NTNG1: variants seen among roughly 807,000 people sequenced by gnomAD.
NTNG1 encodes netrin G1, also known as netrin-G1.
In NTNG1, 16 loss-of-function variants were observed where a neutral mutation model predicts 54.0. The ratio of observed to expected loss-of-function variants is 0.30; its 90% CI spans 0.20 to 0.45. The LOEUF (loss-of-function observed/expected upper bound fraction) is 0.45, where lower values mean the gene tolerates loss of function less well. Ranked by LOEUF, NTNG1 falls within the 20% of genes least tolerant of loss-of-function variation. NTNG1 has a pLI of 1.00. For synonymous variants in NTNG1, 255 were observed against 263.1 expected (o/e 0.97, Z 0.30); for missense variants, 530 against 678.7 (o/e 0.78, Z 2.43).
rs571428956 is a variant in NTNG1, at chr1:107,293,869, A to G, written c.247-30413A>G. On this transcript the variant is annotated intron_variant, in intron 2 of 7. Coordinates refer to ENST00000370068, the MANE Select transcript of NTNG1 (RefSeq NM_001113226.3). Reference sequence around the variant, plus strand: ...GCAGCATTAAAAGTGGTTATCTTGGAATGGTGCACTTATAAGTGATTTTTT... The same window carrying G: ...GCAGCATTAAAAGTGGTTATCTTGGGATGGTGCACTTATAAGTGATTTTTT... Among the ~76,000 whole-genome samples the G allele has an allele frequency of 8.1e-4, 120 of 148,248 alleles. 2 individuals are homozygous for G. In the South Asian group the frequency reaches 0.026, roughly 32 times the overall value.
chr1:107,211,126 A>C (rs1477795616), intron 2 of NTNG1, among the ~76,000 whole-genome samples: 1 of 152,184 alleles, frequency 6.6e-6, no homozygotes, highest in African/African-American at 2.4e-5. Flanking sequence ...TTCTAAACCT[A>C]GTGCTTCTTA....
rs957515368 is a variant in NTNG1, at chr1:107,235,839, C to A, written c.246+87000C>A. On this transcript the variant is annotated intron_variant, in intron 2 of 7. Transcript: ENST00000370068. ...TGGTGGGAGGGAGATTAGCTATGCC[C>A]CTGGAGTAACTTTGGGAAGACTACA... 4.6e-5 allele frequency among the ~76,000 whole-genome samples: 7 copies of A among 152,048 alleles called. No homozygotes were observed. In the East Asian group the frequency reaches 9.7e-4, roughly 21 times the overall value.
chr1:107,225,464 A>G (rs1353530226), intron 2 of NTNG1, among the ~76,000 whole-genome samples: 3 of 152,250 alleles, frequency 2.0e-5, no homozygotes, highest in Non-Finnish European at 4.4e-5. Context: ...TTCAGACAAC[A>G]TGGATTGGGG....
chr1:107,277,723 A>T (rs1664572466), intron 2 of NTNG1, among the ~76,000 whole-genome samples: 1 of 152,212 alleles, frequency 6.6e-6, no homozygotes, highest in South Asian at 2.1e-4. Context: ...TCCTCAGAAG[A>T]ATCACATTTG....
chr1:107,231,227 C>G (rs1433201596), intron 2 of NTNG1, among the ~76,000 whole-genome samples: 3 of 152,152 alleles, frequency 2.0e-5, no homozygotes, highest in Non-Finnish European at 4.4e-5. Context: ...AAAATCAATT[C>G]TAATTAATAA....
chr1:107,382,863 A>AG (rs1279549698), intron 3 of NTNG1, among the ~76,000 whole-genome samples: 5 of 148,848 alleles, frequency 3.4e-5, no homozygotes, highest in African/African-American at 1.0e-4. Context: ...ACCAAATAAG[A>AG]GGAAAAAAAA....
intron 3 of NTNG1, among the ~76,000 whole-genome samples, chr1:107,341,679 C>T (rs1401713802): frequency 6.6e-6 from 1 of 152,062 alleles, no homozygotes; most frequent in African/African-American, 2.4e-5. Context: ...CACACAGTGA[C>T]AGCATTGTAA....
chr1:107,352,769 T>A (rs969642120), intron 3 of NTNG1, among the ~76,000 whole-genome samples: 2 of 152,232 alleles, frequency 1.3e-5, no homozygotes, highest in Non-Finnish European at 2.9e-5. Flanking sequence ...CTTTGTAATA[T>A]GCCTGTTCCT....
chr1:107,478,016 G>A (rs1055542600), intron 7 of NTNG1, among the ~76,000 whole-genome samples: 2 of 152,224 alleles, frequency 1.3e-5, no homozygotes, highest in South Asian at 2.1e-4. Flanking sequence ...TTAAGTGCAA[G>A]GTTGAGCACA....
chr1:107,388,567 T>A (rs1463007768), intron 3 of NTNG1, among the ~76,000 whole-genome samples: 1 of 152,218 alleles, frequency 6.6e-6, no homozygotes, highest in African/African-American at 2.4e-5. Flanking sequence ...AAACAATATG[T>A]GAAAAATGCA....
intron 2 of NTNG1, among the ~76,000 whole-genome samples, chr1:107,186,848 A>T (rs1038817950): frequency 6.6e-6 from 1 of 152,184 alleles, no homozygotes; most frequent in Admixed American, 6.5e-5. Flanking sequence ...CATGCCCCAG[A>T]ACTAGACATT....
In NTNG1 at chr1:107,324,297, T is replaced by A; in HGVS notation, c.262T>A (p.Cys88Ser). Residue 88 changes from cysteine (C) to serine (S), a missense_variant, in exon 3 of 8, where the codon TGC (cysteine) becomes AGC (serine). By Grantham distance (112) the Cys-to-Ser change is moderately radical. Coordinates refer to ENST00000370068, the MANE Select transcript of NTNG1 (RefSeq NM_001113226.3). ...TCTTCCATAGGGCAATCCCTACATG[T>A]GCAATAATGAGTGTGATGCGAGTAC... Reference protein sequence around the residue: ...TFCAMGNPYMCNNECDASTPE... With the variant: ...TFCAMGNPYMSNNECDASTPE... The A allele has an allele frequency of 6.2e-7, 1 of 1,613,434 alleles. No homozygotes were observed. The highest frequency in any genetic ancestry group is 8.5e-7 in the Non-Finnish European group (1 of 1,179,590).
At chr1:107,168,337 T>A (rs536573133) in intron 2 of NTNG1, among the ~76,000 whole-genome samples, 1 of 152,198 alleles carries the variant, frequency 6.6e-6, no homozygotes, top group South Asian at 2.1e-4. Context: ...TAAAATTATG[T>A]CTACAATTAG....
At chr1:107,284,327 A>C (rs994997576) in intron 2 of NTNG1, among the ~76,000 whole-genome samples, 1 of 152,180 alleles carries the variant, frequency 6.6e-6, no homozygotes, top group Non-Finnish European at 1.5e-5. Context: ...CTCTTGATGA[A>C]GAAAACCTAA....
chr1:107,235,555 T>A (rs929147599), intron 2 of NTNG1, among the ~76,000 whole-genome samples: 2 of 152,176 alleles, frequency 1.3e-5, no homozygotes, highest in Admixed American at 1.3e-4. Flanking sequence ...AGGAGCTCCA[T>A]CAAGTTCTCA....
chr1:107,146,873 T>C (rs944840915), intron 1 of NTNG1, among the ~76,000 whole-genome samples: 3 of 152,038 alleles, frequency 2.0e-5, no homozygotes, highest in Non-Finnish European at 4.4e-5. Flanking sequence ...TGAATTCCCT[T>C]TATAAGATTG....
At chr1:107,300,266 G>A (rs1666241849) in intron 2 of NTNG1, among the ~76,000 whole-genome samples, 1 of 152,156 alleles carries the variant, frequency 6.6e-6, no homozygotes, top group Admixed American at 6.6e-5. Flanking sequence ...CTCGTCACAT[G>A]CCACGTTTTC....
chr1:107,426,855 C>T (rs922966716), intron 5 of NTNG1, among the ~76,000 whole-genome samples: 12 of 151,936 alleles, frequency 7.9e-5, no homozygotes, highest in Non-Finnish European at 1.6e-4. Flanking sequence ...TACAATTTCT[C>T]CTATCAGTGT....
At chr1:107,369,971 T>C (rs570951534) in intron 3 of NTNG1, among the ~76,000 whole-genome samples, 2 of 152,296 alleles carry the variant, frequency 1.3e-5, no homozygotes, top group South Asian at 4.1e-4. Context: ...ACAGCATTTA[T>C]GGAAAAGACT....
Sources: allele counts gnomAD v4.1 joint callset (sites outside exome capture counted in the v4.1 genomes callset), GRCh38; gene constraint gnomAD v4.1.1; transcripts MANE v1.5; gene names NCBI Gene and HGNC (gene_info 2026-07-23, HGNC 2026-07-21).